Variants in CSMD1 observed in about 807,000 individuals in gnomAD.
CSMD1 encodes the protein CUB and Sushi multiple domains 1.
Under a neutral mutation model 417.5 loss-of-function variants are expected in CSMD1, and 213 were observed. The observed-to-expected ratio is 0.51, with a 90% CI of 0.46 to 0.57. The LOEUF is 0.57. CSMD1 is among the 20% of genes least tolerant of loss of function. The probability of loss-of-function intolerance (pLI) is 0.00; values close to 1 mark genes in which losing one functional copy is unlikely to be tolerated. For missense variants in CSMD1, 6,923 were observed against 4,529.7 expected (o/e 1.53, Z -15.17); for synonymous variants, 2,862 against 1,736.8 (o/e 1.65, Z -16.11).
chr8:3,413,210 T>C (rs1257777248), intron 12 of CSMD1, among the ~76,000 whole-genome samples: 1 of 152,256 alleles, frequency 6.6e-6, no homozygotes, highest in Non-Finnish European at 1.5e-5. Context: ...TCTGCCTCTG[T>C]GATACTAAAG....
chr8:3,514,995 T>A (rs1351631837), intron 10 of CSMD1, among the ~76,000 whole-genome samples: 4 of 152,228 alleles, frequency 2.6e-5, no homozygotes, highest in Admixed American at 6.5e-5. Flanking sequence ...CAACATTTTA[T>A]ACTGAAATTA....
intron 5 of CSMD1, among the ~76,000 whole-genome samples, chr8:3,889,702 T>C (rs1049765317): frequency 1.3e-5 from 2 of 151,676 alleles, no homozygotes; most frequent in Admixed American, 1.3e-4. Flanking sequence ...CTGGACTTCC[T>C]ATAAATTGAG....
At chr8:3,558,043 GTGTCCACTCCTCTGATGATGAATA>G (rs1563151503) in intron 10 of CSMD1, among the ~76,000 whole-genome samples, 24 of 149,548 alleles carry the variant, frequency 1.6e-4, no homozygotes, top group African/African-American at 5.3e-4. Flanking sequence ...GAAGTAACCC[GTGTCCACTCCTCTGATGATGAATA>G]GTGCCTCAAT....
chr8:4,897,011 C>T (rs1162943478), intron 1 of CSMD1, among the ~76,000 whole-genome samples: 1 of 152,110 alleles, frequency 6.6e-6, no homozygotes, highest in Non-Finnish European at 1.5e-5. Flanking sequence ...ACACTGACTT[C>T]TCTTTTCCCA....
chr8:3,679,338 A>C (rs1389474461), intron 7 of CSMD1, among the ~76,000 whole-genome samples: 1 of 152,184 alleles, frequency 6.6e-6, no homozygotes, highest in Non-Finnish European at 1.5e-5. Flanking sequence ...GGATGGAGGA[A>C]GATCTACCAA....
intron 1 of CSMD1, among the ~76,000 whole-genome samples, chr8:4,911,746 G>T (rs1052279175): frequency 1.3e-5 from 2 of 151,962 alleles, no homozygotes; most frequent in African/African-American, 2.4e-5. Flanking sequence ...GGTAAATCAC[G>T]TTGGTTTCTT....
At chr8:4,568,802 T>C (rs1798742926) in intron 2 of CSMD1, among the ~76,000 whole-genome samples, 1 of 152,216 alleles carries the variant, frequency 6.6e-6, no homozygotes. Context: ...GACTTTTTAA[T>C]GATGGTCATT....
At chr8:3,558,572 C>CCTCAATGGTACCCCGTGTCCACTCCTGG (rs1799307792) in intron 10 of CSMD1, among the ~76,000 whole-genome samples, 2 of 145,904 alleles carry the variant, frequency 1.4e-5, no homozygotes, top group African/African-American at 2.6e-5. Flanking sequence ...TCCACTCCTG[C>CCTCAATGGTACCCCGTGTCCACTCCTGG]AATGATGAAT....
At chr8:4,258,195 T>C (rs1293265322) in intron 3 of CSMD1, among the ~76,000 whole-genome samples, 2 of 150,004 alleles carry the variant, frequency 1.3e-5, no homozygotes, top group African/African-American at 4.9e-5. Context: ...TCTTCCTGGC[T>C]TGGCCTTCCA....
At chr8:4,382,898 G>C (rs368265172) in intron 3 of CSMD1, among the ~76,000 whole-genome samples, 7 of 152,148 alleles carry the variant, frequency 4.6e-5, no homozygotes, top group Admixed American at 1.3e-4. Flanking sequence ...AATTGTTCAA[G>C]AATACCTAGT....
chr8:4,897,610 A>G (rs544203348), intron 1 of CSMD1, among the ~76,000 whole-genome samples: 2 of 152,084 alleles, frequency 1.3e-5, no homozygotes, highest in South Asian at 4.2e-4. Flanking sequence ...ACAATTCAAA[A>G]CTCATTATTT....
At chr8:4,146,724 G>T (rs374368274) in intron 3 of CSMD1, among the ~76,000 whole-genome samples, 1 of 141,900 alleles carries the variant, frequency 7.0e-6, no homozygotes, top group African/African-American at 2.7e-5. Context: ...CCATTCTCCT[G>T]CCTCAGCCTC....
intron 3 of CSMD1, among the ~76,000 whole-genome samples, chr8:4,285,933 G>A (rs1048867194): frequency 6.6e-6 from 1 of 152,134 alleles, no homozygotes; most frequent in African/African-American, 2.4e-5. Flanking sequence ...AACCTTTTAA[G>A]TGGCTATGAT....
chr8:4,060,211 G>C (rs921783366), intron 3 of CSMD1, among the ~76,000 whole-genome samples: 1 of 140,682 alleles, frequency 7.1e-6, no homozygotes, highest in Non-Finnish European at 1.5e-5. Flanking sequence ...TATTTCAATA[G>C]ATGCAGAAAA....
At chr8:4,885,589 T>C (rs1396524968) in intron 1 of CSMD1, among the ~76,000 whole-genome samples, 1 of 152,032 alleles carries the variant, frequency 6.6e-6, no homozygotes, top group Non-Finnish European at 1.5e-5. Context: ...GATGATTAGG[T>C]GGCTTTTGTC....
At chr8:3,902,904 T>C (rs1197475075) in intron 5 of CSMD1, among the ~76,000 whole-genome samples, 1 of 152,196 alleles carries the variant, frequency 6.6e-6, no homozygotes, top group Admixed American at 6.5e-5. Context: ...ATCATCCTGA[T>C]CTTAACCACT....
At chr8:4,372,178 AT>A (rs549197316) in intron 3 of CSMD1, among the ~76,000 whole-genome samples, 1 of 152,210 alleles carries the variant, frequency 6.6e-6, no homozygotes, top group African/African-American at 2.4e-5. Flanking sequence ...AAAAAGAGAT[AT>A]TTTTTTGTCA....
chr8:4,842,469 G>C (rs1800900099), intron 1 of CSMD1, among the ~76,000 whole-genome samples: 1 of 152,166 alleles, frequency 6.6e-6, no homozygotes, highest in African/African-American at 2.4e-5. Flanking sequence ...TCTTTCATGA[G>C]TTGTCAGATG....
At chr8:3,873,734 C>T (rs1189848339) in intron 5 of CSMD1, among the ~76,000 whole-genome samples, 1 of 152,086 alleles carries the variant, frequency 6.6e-6, no homozygotes, top group Non-Finnish European at 1.5e-5. Flanking sequence ...AAGCCTTTTT[C>T]TCAGTATTAA....
Sources: allele counts gnomAD v4.1 joint callset (sites outside exome capture counted in the v4.1 genomes callset), GRCh38; gene constraint gnomAD v4.1.1; transcripts MANE v1.5; gene names NCBI Gene and HGNC (gene_info 2026-07-23, HGNC 2026-07-21).